TSFM: variants seen among roughly 807,000 people sequenced by gnomAD.
TSFM encodes elongation factor Ts, mitochondrial.
TSFM carries 29 observed loss-of-function variants against 33.4 expected under a neutral mutation model. The ratio of observed to expected loss-of-function variants is 0.87; its 90% confidence interval spans 0.65 to 1.18. The LOEUF (loss-of-function observed/expected upper bound fraction) is 1.18, where lower values mean the gene tolerates loss of function less well. Ranked by LOEUF, TSFM falls within the 50% of genes most tolerant of loss-of-function variation. The pLI is 0.00. For synonymous variants in TSFM, 178 were observed against 163.5 expected (o/e 1.09, Z -0.68); for missense variants, 394 against 395.6 (o/e 1.00, Z 0.04).
In TSFM at chr12:57,796,923, T is replaced by C; in HGVS notation, c.*340T>C. ...CTTTTATGACATAGAACTCTTTTGT[T>C]CTGTTTTTGCTTTGCGACACTGTGA... On this transcript the variant is annotated 3_prime_UTR_variant, in exon 6 of 6. Transcript: ENST00000652027. 2 of 999,952 alleles carry C rather than the reference T, an allele frequency of 2.0e-6. No homozygotes were observed. Among genetic ancestry groups the C allele is most frequent in the Non-Finnish European group, 2.4e-6 (2 of 840,112 alleles). The allele number at this position is 999,952 out of a possible 1,614,324, so 61.9% of individuals were successfully genotyped here. A position where few individuals can be genotyped will look rare whatever the true frequency, so the allele number is the denominator to read the frequency against.
chr12:57,791,312 C>G (rs1424515207), intron 4 of TSFM, among the ~76,000 whole-genome samples: 2 of 152,028 alleles, frequency 1.3e-5, no homozygotes, highest in Non-Finnish European at 2.9e-5. Flanking sequence ...GCCCGGCCGG[C>G]CAGGTTCAAT....
At position 57,796,880 on chromosome 12, in the gene TSFM, A is replaced by G; in HGVS notation, c.*297A>G. On this transcript the variant is annotated 3_prime_UTR_variant, in exon 6 of 6. Coordinates refer to ENST00000652027, the MANE Select transcript of TSFM (RefSeq NM_005726.6). ...ATGGTATTTCTGAAATTTCTAACTT[A>G]TATGTTCTGTCTTACACCTTTTATG... The G allele has an allele frequency of 9.6e-7, 1 of 1,046,928 alleles. No homozygotes were observed. The highest frequency in any genetic ancestry group is 1.1e-6 in the Non-Finnish European group (1 of 871,708). 64.9% of individuals were successfully genotyped at this position (1,046,928 alleles called of 1,614,324 possible). A position where few individuals can be genotyped will look rare whatever the true frequency, so the allele number is the denominator to read the frequency against.
chr12:57,784,459 C>T (rs1007844811), intron 2 of TSFM, among the ~76,000 whole-genome samples: 3 of 152,150 alleles, frequency 2.0e-5, no homozygotes, highest in Admixed American at 6.5e-5. Context: ...ATTTTATAAA[C>T]TTTTAACATG....
Position 57,787,131 on chromosome 12 carries a change from C to T in TSFM, c.452C>T (p.Thr151Ile), listed in dbSNP as rs764748636. 6.3e-7 allele frequency: 1 copy of T among 1,598,388 alleles called. No individual in the cohort carries two copies. Among genetic ancestry groups the T allele is most frequent in the Non-Finnish European group, 8.5e-7 (1 of 1,171,378 alleles). ...CTTGGAACCATGATGCATTGTCAGACCCTAAAGGATCAACCCTCTGCATAC... is the reference window on the plus strand; with the variant it reads ...CTTGGAACCATGATGCATTGTCAGATCCTAAAGGATCAACCCTCTGCATAC... ...VALGTMMHCQ[T>I]LKDQPSAYSK... Residue 151 changes from threonine to isoleucine, a missense_variant, in exon 4 of 6, where the codon ACC (threonine) becomes ATC (isoleucine). Physicochemically the swap from Thr to Ile is moderately conservative, Grantham distance 89. This residue lies in a region of TSFM where 208 missense variants were observed against 180.4 expected (regional missense o/e 1.15). Coordinates refer to ENST00000652027, the MANE Select transcript of TSFM (RefSeq NM_005726.6).
chr12:57,790,149 T>C (rs1228289203), intron 4 of TSFM, among the ~76,000 whole-genome samples: 1 of 148,936 alleles, frequency 6.7e-6, no homozygotes, highest in Non-Finnish European at 1.5e-5. Flanking sequence ...CTGCTACCTC[T>C]GCCTCCTGGG....
intron 2 of TSFM, chr12:57,784,144 A>C: frequency 1.4e-6 from 1 of 702,450 alleles, no homozygotes; most frequent in Non-Finnish European, 2.6e-6. Flanking sequence ...TACTGGACTG[A>C]ATACTGTAGG....
intron 5 of TSFM, among the ~76,000 whole-genome samples, chr12:57,793,308 A>G (rs1595144716): frequency 1.3e-5 from 2 of 152,160 alleles, no homozygotes; most frequent in African/African-American, 4.8e-5. Context: ...GCTCACTGCA[A>G]GCTCCGCCTC....
intron 2 of TSFM, among the ~76,000 whole-genome samples, chr12:57,785,907 A>G (rs913353980): frequency 3.9e-5 from 6 of 152,184 alleles, no homozygotes; most frequent in Admixed American, 6.5e-5. Flanking sequence ...AAATATCGTT[A>G]TGTGGTGCGT....
At chr12:57,788,965 CTTT>C (rs35955000) in intron 4 of TSFM, among the ~76,000 whole-genome samples, 1 of 136,104 alleles carries the variant, frequency 7.3e-6, no homozygotes, top group Admixed American at 7.8e-5. Flanking sequence ...TATCATCGCC[CTTT>C]TTTTTTTTTT....
At chr12:57,798,071 C>A, downstream of TSFM, 5 of 1,075,512 alleles carry the variant, frequency 4.6e-6, no homozygotes, top group South Asian at 1.6e-5. Flanking sequence ...GAAGTTGGAG[C>A]AAGAGGGAGT....
chr12:57,793,309 G>C (rs1955689445), intron 5 of TSFM, among the ~76,000 whole-genome samples: 1 of 151,936 alleles, frequency 6.6e-6, no homozygotes, highest in African/African-American at 2.4e-5. Context: ...CTCACTGCAA[G>C]CTCCGCCTCC....
In TSFM at chr12:57,796,803, C is replaced by G; in HGVS notation, c.*220C>G. 1 of 1,183,700 alleles carries G rather than the reference C, an allele frequency of 8.4e-7. No homozygotes were observed. The highest frequency in any genetic ancestry group is 1.0e-6 in the Non-Finnish European group (1 of 958,822). 73.3% of individuals were successfully genotyped at this position (1,183,700 alleles called of 1,614,324 possible). A position where few individuals can be genotyped will look rare whatever the true frequency, so the allele number is the denominator to read the frequency against. On this transcript the variant is annotated 3_prime_UTR_variant, in exon 6 of 6. Coordinates refer to ENST00000652027, the MANE Select transcript of TSFM (RefSeq NM_005726.6). ...GTGGGCCTTATTGACGTGATAGTGT[C>G]GTGGAGAACAGGCATCAACAATACT...
chr12:57,789,098 A>G (rs1474103416), intron 4 of TSFM, among the ~76,000 whole-genome samples: 2 of 150,604 alleles, frequency 1.3e-5, no homozygotes, highest in Non-Finnish European at 2.9e-5. Flanking sequence ...AGTAGCTGGG[A>G]TTACAGGCAC....
intron 2 of TSFM, among the ~76,000 whole-genome samples, chr12:57,785,866 C>T (rs750236391): frequency 2.0e-4 from 30 of 152,122 alleles, no homozygotes; most frequent in Non-Finnish European, 2.9e-4. Flanking sequence ...TCTTAGGGAC[C>T]GTCATCATAT....
intron 2 of TSFM, 40 bp downstream of exon 2, chr12:57,783,323 C>T (rs1425117982): frequency 1.9e-6 from 3 of 1,611,636 alleles, no homozygotes; most frequent in African/African-American, 1.3e-5. Context: ...TACTAGAGCT[C>T]GACCTCAGAC....
chr12:57,796,735 G>C lies in TSFM; in HGVS notation c.*152G>C. ...TAAAAATAATTTTTTCCTTGTTTGC[G>C]TAATACTGGATTTAGCTTTTCTGTG... On this transcript the variant is annotated 3_prime_UTR_variant, in exon 6 of 6. Transcript: ENST00000652027. The C allele has an allele frequency of 8.1e-7, 1 of 1,234,374 alleles. No homozygotes were observed. The highest frequency in any genetic ancestry group is 1.0e-6 in the Non-Finnish European group (1 of 989,182). The allele number at this position is 1,234,374 out of a possible 1,614,324, so 76.5% of individuals were successfully genotyped here.
At chr12:57,796,033 A>G in intron 5 of TSFM, 144 bp from the exon 6 acceptor site, 1 of 699,966 alleles carries the variant, frequency 1.4e-6, no homozygotes, top group Non-Finnish European at 2.3e-6. Flanking sequence ...AAAAACTGAA[A>G]ATGGTATCTC....
intron 2 of TSFM, 104 bp from the exon 3 acceptor site, chr12:57,786,059 G>T: frequency 7.4e-7 from 1 of 1,348,808 alleles, no homozygotes; most frequent in East Asian, 2.7e-5. Context: ...TTTAGTTTCT[G>T]TTAGAGAATT....
chr12:57,797,057 C>T lies in TSFM; in HGVS notation c.*474C>T. ...TTGTCTGGAAAATGTGGGTTCTCTT[C>T]TTTGTGATTGTCTGTAGTATGCTTT... On this transcript the variant is annotated 3_prime_UTR_variant, in exon 6 of 6. Coordinates refer to ENST00000652027, the MANE Select transcript of TSFM (RefSeq NM_005726.6). 2.0e-6 allele frequency: 2 copies of T among 985,528 alleles called. No individual in the cohort carries two copies. Among genetic ancestry groups the T allele is most frequent in the Non-Finnish European group, 2.4e-6 (2 of 830,030 alleles). The allele number at this position is 985,528 out of a possible 1,614,324, so 61.0% of individuals were successfully genotyped here. A position where few individuals can be genotyped will look rare whatever the true frequency, so the allele number is the denominator to read the frequency against.
Sources: allele counts gnomAD v4.1 joint callset (sites outside exome capture counted in the v4.1 genomes callset), GRCh38; gene constraint gnomAD v4.1.1; regional missense constraint gnomAD v4.1.1; transcripts MANE v1.5; gene names NCBI Gene and HGNC (gene_info 2026-07-23, HGNC 2026-07-21).